Variants in STYK1 observed in about 807,000 individuals in gnomAD.
STYK1 encodes the protein tyrosine-protein kinase STYK1.
A neutral mutation model predicts 48.1 loss-of-function variants in STYK1; 46 were observed. The ratio of observed to expected loss-of-function variants is 0.96; its 90% CI spans 0.75 to 1.22. STYK1 has a LOEUF of 1.22. STYK1 is among the 50% of genes most tolerant of loss of function. The pLI is 0.00. For missense variants in STYK1, 527 were observed against 521.1 expected (o/e 1.01, Z -0.11); for synonymous variants, 188 against 189.0 (o/e 0.99, Z 0.04).
At chr12:10,632,354 A>T (rs1451385258) in intron 4 of STYK1, among the ~76,000 whole-genome samples, 2 of 152,150 alleles carry the variant, frequency 1.3e-5, no homozygotes, top group Non-Finnish European at 2.9e-5. Context: ...GGTGTCAGGG[A>T]GAGTATTGTA....
rs778586899 is a variant in STYK1, at chr12:10,672,250, G to A, written c.-195+1716C>T. On this transcript the variant is annotated intron_variant, in intron 1 of 10. Transcript: ENST00000075503. The surrounding 1 kb of genome is among the most constrained non-coding windows in gnomAD (Gnocchi z 4.0). The stretch of plus-strand genomic sequence containing the variant: ...GCCAGAGGTCACCAACACCCGGGGC[G>A]CCGACAGGTACGGGGTGCACAGCAG... Among the ~76,000 whole-genome samples the A allele has an allele frequency of 1.9e-4, 29 of 152,136 alleles. No homozygotes were observed. The highest frequency in any genetic ancestry group is 3.5e-4 in the Non-Finnish European group (24 of 68,016).
At chr12:10,652,259 T>A (rs35242031) in intron 1 of STYK1, among the ~76,000 whole-genome samples, 56 of 152,258 alleles carry the variant, frequency 3.7e-4, no homozygotes, top group East Asian at 2.7e-3. Context: ...TCTCTCTCTC[T>A]CACACACATT....
intron 1 of STYK1, among the ~76,000 whole-genome samples, chr12:10,660,665 A>C: frequency 6.6e-6 from 1 of 152,086 alleles, no homozygotes; most frequent in Admixed American, 6.6e-5. Context: ...AGCAAGCCAA[A>C]ACCCACCTAA....
At chr12:10,641,461 C>G (rs1352671235) in intron 1 of STYK1, among the ~76,000 whole-genome samples, 1 of 152,214 alleles carries the variant, frequency 6.6e-6, no homozygotes, top group Non-Finnish European at 1.5e-5. Flanking sequence ...GGCCACTCTT[C>G]CAGCCTGTCT....
At chr12:10,658,500 G>T (rs1298989283) in intron 1 of STYK1, among the ~76,000 whole-genome samples, 1 of 152,114 alleles carries the variant, frequency 6.6e-6, no homozygotes, top group East Asian at 1.9e-4. Context: ...TTATCGTTTT[G>T]GCTAAATGAA....
In STYK1 at chr12:10,631,141, G is replaced by A; in HGVS notation, c.355C>T (p.Gln119Ter). Residue 119 changes from glutamine (Q) to a stop codon, truncating the protein, a stop_gained, in exon 5 of 11, where the codon CAG (glutamine) becomes TAG (stop). Transcript: ENST00000075503. LOFTEE classifies it high-confidence loss of function. ...PREQLSEVLE[Q>*]ICSGSCGPIF... ...GGCCCACAGCTACCACTGCAAATCT[G>A]CTCCAGAACTTCAGAGAGTTGCTCC... 15 of 1,614,206 alleles carry A rather than the reference G, an allele frequency of 9.3e-6. No homozygotes were observed. The highest frequency in any genetic ancestry group is 1.3e-5 in the African/African-American group (1 of 75,040).
At chr12:10,663,426 C>A (rs540431876) in intron 1 of STYK1, among the ~76,000 whole-genome samples, 10 of 151,870 alleles carry the variant, frequency 6.6e-5, no homozygotes, top group Non-Finnish European at 4.4e-5. Flanking sequence ...CAGTGAAACC[C>A]GTCTCTACTA....
chr12:10,646,846 C>A (rs1565568166), intron 1 of STYK1, among the ~76,000 whole-genome samples: 1 of 152,172 alleles, frequency 6.6e-6, no homozygotes, highest in Non-Finnish European at 1.5e-5. Flanking sequence ...ACTAAAAGGG[C>A]CAAGGTACAG....
rs765002535 is a variant in STYK1, at chr12:10,620,265, G to A, written c.1148C>T (p.Ala383Val). The A allele has an allele frequency of 8.1e-6, 13 of 1,614,044 alleles. No individual in the cohort carries two copies. Among genetic ancestry groups the A allele is most frequent in the African/African-American group, 2.7e-5 (2 of 74,924 alleles). Reference protein sequence around the residue: ...PRELRLRLEAAIKTADDEAVL... With the variant: ...PRELRLRLEAVIKTADDEAVL... ...AGCCTCGTCATCTGCAGTTTTAATGGCAGCTTCTAGGCGCAAGCGCAGCTC... is the reference window on the plus strand; with the variant it reads ...AGCCTCGTCATCTGCAGTTTTAATGACAGCTTCTAGGCGCAAGCGCAGCTC... Residue 383 changes from alanine (A) to valine (V), a missense_variant, in exon 11 of 11, where the codon GCC (alanine) becomes GTC (valine). Physicochemically the swap from Ala to Val is moderately conservative, Grantham distance 64. Coordinates refer to ENST00000075503, the MANE Select transcript of STYK1 (RefSeq NM_018423.3).
At chr12:10,639,319 G>T (rs2120684200) in intron 1 of STYK1, among the ~76,000 whole-genome samples, 1 of 152,250 alleles carries the variant, frequency 6.6e-6, no homozygotes, top group South Asian at 2.1e-4. Context: ...AGCAACTACA[G>T]TGTGCCAGGT....
At chr12:10,665,327 C>T (rs1468568711) in intron 1 of STYK1, among the ~76,000 whole-genome samples, 1 of 152,192 alleles carries the variant, frequency 6.6e-6, no homozygotes, top group Non-Finnish European at 1.5e-5. Flanking sequence ...AAATGCAGAG[C>T]ATGCTTCACA....
chr12:10,668,674 T>C (rs1947861653), intron 1 of STYK1, among the ~76,000 whole-genome samples: 1 of 150,348 alleles, frequency 6.7e-6, no homozygotes, highest in South Asian at 2.1e-4. Context: ...GGATTACAGG[T>C]GTGAGCCACT....
intron 1 of STYK1, among the ~76,000 whole-genome samples, chr12:10,645,633 G>A (rs1947590557): frequency 6.6e-6 from 1 of 152,164 alleles, no homozygotes; most frequent in South Asian, 2.1e-4. Flanking sequence ...ATATAAAGAA[G>A]TCAGCAAGAA....
At chr12:10,668,752 G>A (rs1009682008) in intron 1 of STYK1, among the ~76,000 whole-genome samples, 33 of 151,786 alleles carry the variant, frequency 2.2e-4, no homozygotes, top group Admixed American at 6.6e-5. Flanking sequence ...ACTTTCTCCA[G>A]TTAGACACTA....
intron 1 of STYK1, among the ~76,000 whole-genome samples, chr12:10,654,350 C>A (rs1319512003): frequency 6.6e-6 from 1 of 152,162 alleles, no homozygotes; most frequent in Non-Finnish European, 1.5e-5. Context: ...CCTTTACTTT[C>A]TTAGTAAATG....
chr12:10,634,682 A>C lies in STYK1; in HGVS notation c.-64T>G. 2 of 1,575,276 alleles carry C rather than the reference A, an allele frequency of 1.3e-6. No homozygotes were observed. The highest frequency in any genetic ancestry group is 1.7e-6 in the Non-Finnish European group (2 of 1,151,814). On this transcript the variant is annotated 5_prime_UTR_variant, in exon 3 of 11. The change creates a new upstream start codon in the 5' untranslated region. Coordinates refer to ENST00000075503, the MANE Select transcript of STYK1 (RefSeq NM_018423.3). The stretch of plus-strand genomic sequence containing the variant: ...GAATGCACACAGCACAGCTGTGAGT[A>C]ATTCCTAAGGATTGAGTGGTTTTTG...
At chr12:10,648,174 G>A (rs922087783) in intron 1 of STYK1, among the ~76,000 whole-genome samples, 3 of 152,080 alleles carry the variant, frequency 2.0e-5, no homozygotes, top group Admixed American at 6.5e-5. Flanking sequence ...TGGAATTTAG[G>A]CAATGGACTA....
At chr12:10,665,671 C>G (rs775963249) in intron 1 of STYK1, among the ~76,000 whole-genome samples, 2 of 152,232 alleles carry the variant, frequency 1.3e-5, no homozygotes, top group African/African-American at 2.4e-5. Flanking sequence ...TGTGTCCAGA[C>G]TAGCCTCTGC....
chr12:10,671,115 C>T (rs1173041698), intron 1 of STYK1, among the ~76,000 whole-genome samples: 1 of 151,316 alleles, frequency 6.6e-6, no homozygotes, highest in Non-Finnish European at 1.5e-5. Flanking sequence ...CCTGCCTCAG[C>T]CTCTGATTAG....
Sources: allele counts gnomAD v4.1 joint callset (sites outside exome capture counted in the v4.1 genomes callset), GRCh38; gene constraint gnomAD v4.1.1; non-coding constraint Gnocchi (gnomAD v3.1); transcripts MANE v1.5; gene names NCBI Gene and HGNC (gene_info 2026-07-23, HGNC 2026-07-21).